The following ZRANB3 variants were observed in gnomAD, a reference collection of about 807,000 sequenced individuals.
The protein encoded by ZRANB3 is DNA annealing helicase and endonuclease ZRANB3.
A neutral mutation model predicts 133.8 loss-of-function variants in ZRANB3; 125 were observed. The observed-to-expected ratio is 0.93, with a 90% CI of 0.81 to 1.08. ZRANB3 has a LOEUF of 1.08. Ranked by LOEUF, ZRANB3 falls within the 50% of genes least tolerant of loss-of-function variation. The probability of loss-of-function intolerance (pLI) is 0.00; values close to 1 mark genes in which losing one functional copy is unlikely to be tolerated. For missense variants in ZRANB3, 1,229 were observed against 1,275.5 expected (o/e 0.96, Z 0.56); for synonymous variants, 387 against 432.7 (o/e 0.89, Z 1.31).
At position 135,339,573 on chromosome 2, in the gene ZRANB3, C is replaced by A. The variant is rs1423902939; in HGVS notation, c.677+5977G>T. 3.9e-5 allele frequency among the ~76,000 whole-genome samples: 6 copies of A among 152,284 alleles called. No homozygotes were observed. In the East Asian group the frequency reaches 1.2e-3, roughly 29 times the overall value. On this transcript the variant is annotated intron_variant, in intron 6 of 20. Coordinates refer to ENST00000264159, the MANE Select transcript of ZRANB3 (RefSeq NM_032143.4). ...CTCCAACCTGGGTGACAAAGCAAGA[C>A]CCTGTCTCAAAAAAAACCCAAAACA...
chr2:135,244,909 C>T (rs1695720056), intron 12 of ZRANB3, among the ~76,000 whole-genome samples: 1 of 152,122 alleles, frequency 6.6e-6, no homozygotes, highest in Non-Finnish European at 1.5e-5. Context: ...AGTTTATGAA[C>T]AGTGGCATGG....
intron 2 of ZRANB3, among the ~76,000 whole-genome samples, chr2:135,396,766 T>C (rs1232288161): frequency 1.3e-5 from 2 of 152,206 alleles, no homozygotes; most frequent in South Asian, 2.1e-4. Flanking sequence ...GGGGTGACTA[T>C]AGTCAATAAT....
intron 2 of ZRANB3, among the ~76,000 whole-genome samples, chr2:135,478,645 T>A (rs1231793607): frequency 6.6e-6 from 1 of 152,164 alleles, no homozygotes; most frequent in Non-Finnish European, 1.5e-5. Flanking sequence ...ATTCATCCGG[T>A]TGTTATGGTA....
intron 8 of ZRANB3, among the ~76,000 whole-genome samples, chr2:135,290,443 T>C (rs909740341): frequency 2.0e-5 from 3 of 152,224 alleles, no homozygotes; most frequent in Non-Finnish European, 4.4e-5. Flanking sequence ...TCCATTTACA[T>C]GGACTATCTT....
intron 12 of ZRANB3, among the ~76,000 whole-genome samples, chr2:135,247,688 C>T (rs960959004): frequency 3.3e-5 from 5 of 152,040 alleles, no homozygotes; most frequent in South Asian, 2.1e-4. Context: ...CCCATTTCCA[C>T]GGCAACTCAC....
chr2:135,388,687 T>C (rs966876029), intron 3 of ZRANB3, among the ~76,000 whole-genome samples: 3 of 152,226 alleles, frequency 2.0e-5, no homozygotes, highest in Non-Finnish European at 2.9e-5. Flanking sequence ...TTCATATTTC[T>C]ATTTGTTGAA....
intron 6 of ZRANB3, 121 bp downstream of exon 6, chr2:135,345,429 C>T: frequency 1.5e-6 from 1 of 653,040 alleles, no homozygotes. Flanking sequence ...GATGGTGCCA[C>T]TGCAGTCCAG....
intron 8 of ZRANB3, among the ~76,000 whole-genome samples, chr2:135,312,300 C>T (rs78843540): frequency 0.1 from 15,828 of 151,610 alleles, 1,087 homozygotes; most frequent in South Asian, 0.32. Context: ...CTGAGCTAAG[C>T]GATCCTCCCT....
chr2:135,412,796 G>C (rs1688368937), intron 2 of ZRANB3, among the ~76,000 whole-genome samples: 1 of 151,950 alleles, frequency 6.6e-6, no homozygotes, highest in Admixed American at 6.6e-5. Context: ...GCAATTTTCT[G>C]CTAATGGAAT....
chr2:135,341,423 T>A (rs1684658150), intron 6 of ZRANB3, among the ~76,000 whole-genome samples: 1 of 150,038 alleles, frequency 6.7e-6, no homozygotes, highest in East Asian at 1.9e-4. Context: ...CTTAATCCCA[T>A]CATCTTTGTA....
chr2:135,488,646 C>T (rs1692232953), intron 2 of ZRANB3, among the ~76,000 whole-genome samples: 1 of 150,028 alleles, frequency 6.7e-6, no homozygotes, highest in South Asian at 2.1e-4. Context: ...ACAATATATG[C>T]AAAGCACAAT....
chr2:135,424,135 TC>T (rs1688974149), intron 2 of ZRANB3, among the ~76,000 whole-genome samples: 1 of 152,172 alleles, frequency 6.6e-6, no homozygotes, highest in East Asian at 1.9e-4. Flanking sequence ...ATTAGTACCT[TC>T]AGAGAAGTCT....
chr2:135,493,801 A>G (rs1245639328), intron 2 of ZRANB3, among the ~76,000 whole-genome samples: 1 of 152,204 alleles, frequency 6.6e-6, no homozygotes, highest in Non-Finnish European at 1.5e-5. Flanking sequence ...AAACATGTCC[A>G]TAGATGGACT....
chr2:135,528,810 T>C (rs1233870516), intron 1 of ZRANB3, among the ~76,000 whole-genome samples: 2 of 152,210 alleles, frequency 1.3e-5, no homozygotes, highest in Non-Finnish European at 2.9e-5. Flanking sequence ...GATTACACTA[T>C]AAAATTTACC....
chr2:135,486,821 T>C (rs890692897), intron 2 of ZRANB3, among the ~76,000 whole-genome samples: 1 of 152,188 alleles, frequency 6.6e-6, no homozygotes, highest in East Asian at 1.9e-4. Context: ...TCCCCTCTAC[T>C]GAAGTCTTGA....
chr2:135,208,275 A>G (rs922398941), intron 18 of ZRANB3, among the ~76,000 whole-genome samples: 2 of 152,330 alleles, frequency 1.3e-5, no homozygotes, highest in South Asian at 4.1e-4. Flanking sequence ...AGCCTCTGCT[A>G]GCTCACAGGA....
Position 135,315,540 on chromosome 2 carries a change from T to C in ZRANB3, c.678-10A>G. Reference sequence around the variant, plus strand: ...TCTTTTACCAAAATATCTGTTAAAATGAAGACAAAACATGTAGCAAAATTG... The same window carrying C: ...TCTTTTACCAAAATATCTGTTAAAACGAAGACAAAACATGTAGCAAAATTG... On this transcript the variant is annotated splice_polypyrimidine_tract_variant and intron_variant, in intron 6 of 20. Coordinates refer to ENST00000264159, the MANE Select transcript of ZRANB3 (RefSeq NM_032143.4). 6.8e-7 allele frequency: 1 copy of C among 1,464,756 alleles called. No homozygotes were observed. The highest frequency in any genetic ancestry group is 9.0e-7 in the Non-Finnish European group (1 of 1,108,028). The allele number at this position is 1,464,756 out of a possible 1,614,324, so 90.7% of individuals were successfully genotyped here.
chr2:135,217,667 G>A, intron 16 of ZRANB3, 60 bp from the exon 17 acceptor site: 1 of 1,564,260 alleles, frequency 6.4e-7, no homozygotes, highest in Non-Finnish European at 8.6e-7. Context: ...TCCTTTGAAT[G>A]TGAGCCTATT....
chr2:135,245,523 C>T (rs1019192858), intron 12 of ZRANB3, among the ~76,000 whole-genome samples: 1 of 151,936 alleles, frequency 6.6e-6, no homozygotes, highest in Non-Finnish European at 1.5e-5. Context: ...ACAATCTTGG[C>T]TCAATGCAAC....
Sources: allele counts gnomAD v4.1 joint callset (sites outside exome capture counted in the v4.1 genomes callset), GRCh38; gene constraint gnomAD v4.1.1; transcripts MANE v1.5; gene names NCBI Gene and HGNC (gene_info 2026-07-23, HGNC 2026-07-21).